IL22: variants seen among roughly 807,000 people sequenced by gnomAD.
IL22 encodes interleukin-22.
In IL22, 15 loss-of-function variants were observed where a neutral mutation model predicts 15.5. The observed-to-expected ratio is 0.97, with a 90% CI of 0.65 to 1.49. IL22 has a LOEUF of 1.49. IL22 is among the 40% of genes most tolerant of loss of function. The pLI is 0.00. For synonymous variants in IL22, 91 were observed against 82.0 expected (o/e 1.11, Z -0.60); for missense variants, 225 against 215.4 (o/e 1.04, Z -0.28).
rs778941312 is a variant in IL22 at position 68,253,496 on chromosome 12, T to C, written c.-46-2A>G. 6.9e-7 allele frequency: 1 copy of C among 1,450,378 alleles called. No homozygotes were observed. Among genetic ancestry groups the C allele is most frequent in the Non-Finnish European group, 9.4e-7 (1 of 1,068,946 alleles). The allele number at this position is 1,450,378 out of a possible 1,614,324, so 89.8% of individuals were successfully genotyped here. A position where few individuals can be genotyped will look rare whatever the true frequency, so the allele number is the denominator to read the frequency against. On this transcript the variant is annotated splice_acceptor_variant, in intron 1 of 5. Coordinates refer to ENST00000538666, the MANE Select transcript of IL22 (RefSeq NM_020525.5). LOFTEE classifies it low-confidence loss of function (5UTR_SPLICE). ...AACTGGTGACTGGGGAAGGAGAACCTGGTCGAAGACAACGTGAAGGAACAA... is the reference window on the plus strand; with the variant it reads ...AACTGGTGACTGGGGAAGGAGAACCCGGTCGAAGACAACGTGAAGGAACAA...
chr12:68,252,746 G>T lies in IL22; in HGVS notation c.252+18C>A, dbSNP rs763589333. 6.2e-7 allele frequency: 1 copy of T among 1,613,182 alleles called. No individual in the cohort carries two copies. Among genetic ancestry groups the T allele is most frequent in the Non-Finnish European group, 8.5e-7 (1 of 1,179,198 alleles). Reference sequence around the variant, plus strand: ...CCATGGACGGCACACGGCCCTGTTCGTCACAACTGTAGCTTACACTGACTC... The same window carrying T: ...CCATGGACGGCACACGGCCCTGTTCTTCACAACTGTAGCTTACACTGACTC... On this transcript the variant is annotated intron_variant, in intron 3 of 5. Transcript: ENST00000538666.
rs1869814036 is a variant in IL22, at chr12:68,248,545, T to G, written c.*254A>C. The G allele has an allele frequency of 2.9e-6, 1 of 344,342 alleles. No individual in the cohort carries two copies. Among genetic ancestry groups the G allele is most frequent in the South Asian group, 9.4e-5 (1 of 10,618 alleles). 21.3% of individuals were successfully genotyped at this position (344,342 alleles called of 1,614,324 possible). On this transcript the variant is annotated 3_prime_UTR_variant, in exon 6 of 6. Transcript: ENST00000538666. ...TATTTAAAAAATAAATTGTTTTCTGTGTATAGAACACCAGTTACAATGAAA... is the reference window on the plus strand; with the variant it reads ...TATTTAAAAAATAAATTGTTTTCTGGGTATAGAACACCAGTTACAATGAAA...
Position 68,248,723 on chromosome 12 carries a change from A to T in IL22, c.*76T>A. ...TCCCATCTTCCTTTTGGTTAAAAAAAATCGCTTTGGGGCATCTAATTGTTA... is the reference window on the plus strand; with the variant it reads ...TCCCATCTTCCTTTTGGTTAAAAAATATCGCTTTGGGGCATCTAATTGTTA... On this transcript the variant is annotated 3_prime_UTR_variant, in exon 6 of 6. Coordinates refer to ENST00000538666, the MANE Select transcript of IL22 (RefSeq NM_020525.5). 1 of 1,188,374 alleles carries T rather than the reference A, an allele frequency of 8.4e-7. No individual in the cohort carries two copies. Among genetic ancestry groups the T allele is most frequent in the Non-Finnish European group, 1.2e-6 (1 of 818,448 alleles). The allele number at this position is 1,188,374 out of a possible 1,614,324, so 73.6% of individuals were successfully genotyped here. A position where few individuals can be genotyped will look rare whatever the true frequency, so the allele number is the denominator to read the frequency against.
intron 4 of IL22, 55 bp from the exon 5 acceptor site, chr12:68,251,633 C>T (rs912630848): frequency 7.8e-7 from 1 of 1,288,680 alleles, no homozygotes; most frequent in African/African-American, 1.5e-5. Context: ...ACTTTATGAA[C>T]CTCCACACCC....
rs368926614 is a variant in IL22 at position 68,252,691 on chromosome 12, C to T, written c.253-44G>A. 5.6e-5 allele frequency: 91 copies of T among 1,613,474 alleles called. No individual in the cohort carries two copies. The African/African-American group carries it at 7.9e-4, about 14-fold the overall frequency. On this transcript the variant is annotated intron_variant, in intron 3 of 5. Transcript: ENST00000538666. ...CAGAAAGGGTCATAAGGGATAAGAC[C>T]TAAACCATCATCACCACCACCCCAA...
At chr12:68,251,823 A>T (rs967356136) in intron 4 of IL22, among the ~76,000 whole-genome samples, 3 of 152,200 alleles carry the variant, frequency 2.0e-5, no homozygotes, top group South Asian at 2.1e-4. Context: ...TGAGGTTTGC[A>T]TTTGTGGAAA....
At position 68,252,621 on chromosome 12, in the gene IL22, C is replaced by T. The variant is rs1405829566; in HGVS notation, c.279G>A (p.Lys93=). 1 of 1,614,008 alleles carries T rather than the reference C, an allele frequency of 6.2e-7. No individual in the cohort carries two copies. The change falls in exon 4 of 6, where the codon AAG becomes AAA. Residue 93 remains lysine, a synonymous_variant. Coordinates refer to ENST00000538666, the MANE Select transcript of IL22 (RefSeq NM_020525.5). The stretch of plus-strand genomic sequence containing the variant: ...CTTCAAGGGTGAAGTTCAGCACCTG[C>T]TTCATCAGATAGCAGCGCTCACTCA... The part of the protein sequence containing the change: ...VSMSERCYLM[K]QVLNFTLEEV...
intron 4 of IL22, 116 bp downstream of exon 4, chr12:68,252,388 G>T: frequency 9.6e-7 from 1 of 1,037,734 alleles, no homozygotes; most frequent in Non-Finnish European, 1.4e-6. Context: ...CTGCTGCCAA[G>T]ACACTTCTTC....
Position 68,253,571 on chromosome 12 carries a change from C to G in IL22, c.-47+12G>C. 1.5e-6 allele frequency: 1 copy of G among 686,422 alleles called. No individual in the cohort carries two copies. The highest frequency in any genetic ancestry group is 2.3e-6 in the Non-Finnish European group (1 of 433,174). The allele number at this position is 686,422 out of a possible 1,614,324, so 42.5% of individuals were successfully genotyped here. A position where few individuals can be genotyped will look rare whatever the true frequency, so the allele number is the denominator to read the frequency against. On this transcript the variant is annotated intron_variant, in intron 1 of 5. Transcript: ENST00000538666. ...AACTAACCAATTGTACCAAGTTTGCCGAAACGCTTACCTGTTCTGAAGATT... is the reference window on the plus strand; with the variant it reads ...AACTAACCAATTGTACCAAGTTTGCGGAAACGCTTACCTGTTCTGAAGATT...
chr12:68,248,871 T>C lies in IL22; in HGVS notation c.468A>G (p.Gly156=). The C allele has an allele frequency of 6.2e-7, 1 of 1,611,766 alleles. No homozygotes were observed. The highest frequency in any genetic ancestry group is 1.1e-5 in the South Asian group (1 of 90,880). The change falls in exon 6 of 6, where the codon GGA becomes GGG. Residue 156 remains glycine, a synonymous_variant. Coordinates refer to ENST00000538666, the MANE Select transcript of IL22 (RefSeq NM_020525.5). ...CAATTGCTTTGATCTCTCCACTCTC[T>C]CCAAGCTGTGAAAATAAGAATGCAA... ...QKLKDTVKKL[G]ESGEIKAIGE...
At chr12:68,251,464 A>G (rs1239929894) in intron 5 of IL22, 49 bp downstream of exon 5, 2 of 1,322,018 alleles carry the variant, frequency 1.5e-6, no homozygotes, top group East Asian at 4.6e-5. Flanking sequence ...GAAAAACAAC[A>G]TTTGTCTCTC....
At chr12:68,252,230 G>A (rs990587235) in intron 4 of IL22, among the ~76,000 whole-genome samples, 10 of 151,806 alleles carry the variant, frequency 6.6e-5, no homozygotes, top group Admixed American at 3.9e-4. Context: ...CTCATCTTAC[G>A]CAACCTGAGT....
rs1293627951 is a variant in IL22, at chr12:68,248,886, T to G, written c.463-10A>C. The G allele has an allele frequency of 1.9e-6, 3 of 1,607,174 alleles. No individual in the cohort carries two copies. The highest frequency in any genetic ancestry group is 1.1e-5 in the South Asian group (1 of 90,818). On this transcript the variant is annotated splice_polypyrimidine_tract_variant and intron_variant, in intron 5 of 5. Coordinates refer to ENST00000538666, the MANE Select transcript of IL22 (RefSeq NM_020525.5). ...CTCCACTCTCTCCAAGCTGTGAAAA[T>G]AAGAATGCAAAAGTATTTGAGCATT...
At chr12:68,249,786 A>C (rs1294210674) in intron 5 of IL22, among the ~76,000 whole-genome samples, 1 of 152,224 alleles carries the variant, frequency 6.6e-6, no homozygotes, top group Non-Finnish European at 1.5e-5. Context: ...GCATTATTTC[A>C]AGAAAAACCT....
chr12:68,249,448 T>C (rs1203318628), intron 5 of IL22, among the ~76,000 whole-genome samples: 1 of 152,196 alleles, frequency 6.6e-6, no homozygotes, highest in African/African-American at 2.4e-5. Context: ...TTCAAGGTGG[T>C]CCAGGGAAGC....
chr12:68,252,088 G>C (rs183560014), intron 4 of IL22, among the ~76,000 whole-genome samples: 3 of 152,086 alleles, frequency 2.0e-5, no homozygotes, highest in Admixed American at 6.5e-5. Flanking sequence ...ACAGTCTGCC[G>C]ACCCACCACC....
chr12:68,251,304 A>C (rs1395026544), intron 5 of IL22, among the ~76,000 whole-genome samples: 2 of 152,216 alleles, frequency 1.3e-5, no homozygotes, highest in Non-Finnish European at 2.9e-5. Context: ...CTAAGATCCC[A>C]ACCAGTTCTA....
At chr12:68,253,538 T>A in intron 1 of IL22, 44 bp from the exon 2 acceptor site, 1 of 1,034,264 alleles carries the variant, frequency 9.7e-7, no homozygotes, top group South Asian at 1.9e-5. Flanking sequence ...TCAAGAAGTA[T>A]TTCATCAAAC....
chr12:68,248,276 A>G lies in IL22; in HGVS notation c.*523T>C, dbSNP rs1249922706. Reference sequence around the variant, plus strand: ...CCAAGTGTTTATTGAGGTCAAATAAACATGTTATAGCTCTATAATTATTGT... The same window carrying G: ...CCAAGTGTTTATTGAGGTCAAATAAGCATGTTATAGCTCTATAATTATTGT... On this transcript the variant is annotated 3_prime_UTR_variant, in exon 6 of 6. Coordinates refer to ENST00000538666, the MANE Select transcript of IL22 (RefSeq NM_020525.5). 6.6e-6 allele frequency: 1 copy of G among 152,274 alleles called. No individual in the cohort carries two copies. Among genetic ancestry groups the G allele is most frequent in the Non-Finnish European group, 1.5e-5 (1 of 68,030 alleles). 9.4% of individuals were successfully genotyped at this position (152,274 alleles called of 1,614,324 possible). A position where few individuals can be genotyped will look rare whatever the true frequency, so the allele number is the denominator to read the frequency against.
Sources: gnomAD v4.1 joint callset for allele counts (sites outside exome capture counted in the v4.1 genomes callset) on GRCh38, gnomAD v4.1.1 for gene constraint, MANE v1.5 for transcripts, NCBI Gene and HGNC (gene_info 2026-07-23, HGNC 2026-07-21) for gene names.